Variants in CLASRP observed in about 807,000 individuals in gnomAD.
CLASRP encodes the protein CLK4 associating serine/arginine rich protein, also known as CLK4-associating serine/arginine rich protein.
In CLASRP, 52 loss-of-function variants were observed where a neutral mutation model predicts 99.9. The observed-to-expected ratio is 0.52, with a 90% confidence interval of 0.42 to 0.66. The LOEUF (loss-of-function observed/expected upper bound fraction) is 0.66. Among genes scored for constraint, CLASRP ranks in the 30% least tolerant of loss-of-function variants. CLASRP has a pLI of 0.00. For missense variants in CLASRP, 848 were observed against 999.2 expected (o/e 0.85, Z 2.04); for synonymous variants, 379 against 373.0 (o/e 1.02, Z -0.18).
At chr19:45,064,765 C>T (rs767963783) in intron 13 of CLASRP, 135 bp downstream of exon 13, 22 of 1,413,540 alleles carry the variant, frequency 1.6e-5, no homozygotes, top group Non-Finnish European at 2.0e-5. Flanking sequence ...AGGCACAGGC[C>T]ACTGCTCTTC....
Position 45,067,262 on chromosome 19 carries a change from AT to A in CLASRP, c.1410-74del, listed in dbSNP as rs1411826924. 1 of 1,430,400 alleles carries A rather than the reference AT, an allele frequency of 7.0e-7. No individual in the cohort carries two copies. The highest frequency in any genetic ancestry group is 2.7e-5 in the Admixed American group (1 of 36,834). The allele number at this position is 1,430,400 out of a possible 1,614,324, so 88.6% of individuals were successfully genotyped here. A position where few individuals can be genotyped will look rare whatever the true frequency, so the allele number is the denominator to read the frequency against. ...GGCCTTGCAGGAAGGAGGACTGTGG[AT>A]CCGGACCCAGGGTGGGGTGCGGTTG... On this transcript the variant is annotated intron_variant, in intron 13 of 20. Transcript: ENST00000221455. The surrounding 1 kb of genome is among the most constrained non-coding windows in gnomAD (Gnocchi z 4.9).
At position 45,070,831 on chromosome 19, in the gene CLASRP, C is replaced by T. The variant is rs754396204; in HGVS notation, c.2011C>T (p.His671Tyr). 8 of 1,579,098 alleles carry T rather than the reference C, an allele frequency of 5.1e-6. No individual in the cohort carries two copies. Among genetic ancestry groups the T allele is most frequent in the East Asian group, 2.3e-5 (1 of 43,956 alleles). The change falls in exon 21 of 21, where the codon CAT becomes TAT. Residue 671 changes from histidine (H) to tyrosine (Y), a missense_variant. His to Tyr is a moderately conservative substitution (Grantham distance 83). This residue lies in a region of CLASRP where 116 missense variants were observed against 162.7 expected (regional missense o/e 0.71). Coordinates refer to ENST00000221455, the MANE Select transcript of CLASRP (RefSeq NM_007056.3). ...RRSRSRSRSP[H>Y]YRH ...CTCAAGGTCCCGATCCCGAAGCCCC[C>T]ATTACCGACATTAGGCAGAAGAGTG...
At chr19:45,057,644 A>T in intron 6 of CLASRP, 106 bp from the exon 7 acceptor site, 3 of 1,312,376 alleles carry the variant, frequency 2.3e-6, no homozygotes, top group Admixed American at 3.7e-5. Context: ...GCTGAGGGAG[A>T]GCCTGAGGGG....
chr19:45,056,336 C>G (rs537895047), intron 5 of CLASRP, 114 bp from the exon 6 acceptor site: 7 of 832,534 alleles, frequency 8.4e-6, no homozygotes, highest in East Asian at 7.3e-5. Flanking sequence ...TGACTGCCCC[C>G]CAAGGTGCAC....
intron 7 of CLASRP, 49 bp downstream of exon 7, chr19:45,057,947 T>C: frequency 1.2e-6 from 2 of 1,609,412 alleles, no homozygotes; most frequent in African/African-American, 2.7e-5. Flanking sequence ...GGGCATCGTT[T>C]CTGTGTCTCG....
chr19:45,056,240 T>TAA (rs1431395075), intron 5 of CLASRP, among the ~76,000 whole-genome samples: 1 of 152,208 alleles, frequency 6.6e-6, no homozygotes, highest in Non-Finnish European at 1.5e-5. Context: ...ACAGATGTGT[T>TAA]AAGTCCCTTG....
chr19:45,068,132 G>A, intron 15 of CLASRP, 78 bp downstream of exon 15: 1 of 1,370,154 alleles, frequency 7.3e-7, no homozygotes, highest in Non-Finnish European at 1.0e-6. Context: ...TGGGCCTGCA[G>A]GGGGGCCCGG....
Position 45,067,074 on chromosome 19 carries a change from A to T in CLASRP, c.1410-263A>T, listed in dbSNP as rs1476724288. The stretch of plus-strand genomic sequence containing the variant: ...GAAGTTAGCAAGCGGGTGTCTAGTG[A>T]GGGAGAGGTGACGTGGGCCAGGCAG... On this transcript the variant is annotated intron_variant, in intron 13 of 20. Transcript: ENST00000221455. The surrounding 1 kb of genome is among the most constrained non-coding windows in gnomAD (Gnocchi z 4.9). 6.6e-6 allele frequency among the ~76,000 whole-genome samples: 1 copy of T among 152,154 alleles called. No individual in the cohort carries two copies. Among genetic ancestry groups the T allele is most frequent in the East Asian group, 1.9e-4 (1 of 5,180 alleles).
rs749261419 is a variant in CLASRP, at chr19:45,060,503, G to C, written c.789+36G>C. 5.0e-6 allele frequency: 8 copies of C among 1,613,384 alleles called. No homozygotes were observed. The South Asian group carries it at 8.8e-5, about 18-fold the overall frequency. On this transcript the variant is annotated intron_variant, in intron 9 of 20. Transcript: ENST00000221455. The surrounding 1 kb of genome is among the most constrained non-coding windows in gnomAD (Gnocchi z 4.6). ...GGCTGGAGTGGAAGGGGACAGGGGT[G>C]TGTCACAGGGAGGGCACCCCCTCAC...
intron 2 of CLASRP, among the ~76,000 whole-genome samples, chr19:45,048,095 A>G (rs2122543254): frequency 6.6e-6 from 1 of 151,878 alleles, no homozygotes; most frequent in Admixed American, 6.6e-5. Flanking sequence ...CAAACAAAAA[A>G]TTACTCTTAA....
In CLASRP at chr19:45,053,174, G is replaced by A. The variant is rs201323020; in HGVS notation, c.376G>A (p.Gly126Ser). 2.3e-4 allele frequency: 373 copies of A among 1,613,914 alleles called. No homozygotes were observed. The highest frequency in any genetic ancestry group is 3.0e-4 in the Non-Finnish European group (357 of 1,180,002). Residue 126 changes from glycine to serine, a missense_variant, in exon 5 of 21, where the codon GGC becomes AGC. Gly to Ser is a moderately conservative substitution (Grantham distance 56). Coordinates refer to ENST00000221455, the MANE Select transcript of CLASRP (RefSeq NM_007056.3). ...YRGLVQNDFA[G>S]ISEEQCLYQI... ...AGGCCTGGTGCAGAACGACTTTGCCGGCAGTGAGTGATCTGTGGGGGGACG... is the reference window on the plus strand; with the variant it reads ...AGGCCTGGTGCAGAACGACTTTGCCAGCAGTGAGTGATCTGTGGGGGGACG...
intron 3 of CLASRP, among the ~76,000 whole-genome samples, chr19:45,052,452 C>A (rs532900124): frequency 5.9e-5 from 9 of 152,142 alleles, no homozygotes; most frequent in African/African-American, 1.9e-4. Flanking sequence ...TTGCCAGACC[C>A]GAGCTGGCTC....
Position 45,070,848 on chromosome 19 carries a change from A to G in CLASRP, c.*3A>G, listed in dbSNP as rs1967227634. 1 of 1,489,988 alleles carries G rather than the reference A, an allele frequency of 6.7e-7. No individual in the cohort carries two copies. The highest frequency in any genetic ancestry group is 9.3e-7 in the Non-Finnish European group (1 of 1,077,582). 92.3% of individuals were successfully genotyped at this position (1,489,988 alleles called of 1,614,324 possible). The stretch of plus-strand genomic sequence containing the variant: ...GAAGCCCCCATTACCGACATTAGGC[A>G]GAAGAGTGGGGGGTGGGGAGGACAA... On this transcript the variant is annotated 3_prime_UTR_variant, in exon 21 of 21. Transcript: ENST00000221455.
chr19:45,050,843 A>T (rs970262102), intron 2 of CLASRP, among the ~76,000 whole-genome samples: 1 of 151,620 alleles, frequency 6.6e-6, no homozygotes, highest in Non-Finnish European at 1.5e-5. Flanking sequence ...CAGCCTCCCA[A>T]ATAGCTGGGA....
chr19:45,041,452 T>C (rs932943100), intron 2 of CLASRP, among the ~76,000 whole-genome samples: 2 of 151,688 alleles, frequency 1.3e-5, no homozygotes, highest in Non-Finnish European at 3.0e-5. Context: ...TTACCCCCCC[T>C]CACCTATTTA....
chr19:45,039,584 A>T (rs1157126941), intron 1 of CLASRP: 1 of 150,748 alleles, frequency 6.6e-6, no homozygotes, highest in African/African-American at 2.5e-5. Flanking sequence ...CCTCAGCTTC[A>T]CTCTGGTCTC....
At chr19:45,052,971 C>T in intron 4 of CLASRP, 79 bp downstream of exon 4, 1 of 1,521,060 alleles carries the variant, frequency 6.6e-7, no homozygotes, top group Non-Finnish European at 9.0e-7. Context: ...TACCTGTCAC[C>T]TTCCTAGGAG....
At chr19:45,052,234 G>A (rs1200057264) in intron 3 of CLASRP, 66 bp downstream of exon 3, 4 of 1,377,790 alleles carry the variant, frequency 2.9e-6, no homozygotes, top group Non-Finnish European at 2.1e-6. Context: ...CTGGGGTGGT[G>A]TAGAGTGTGG....
intron 2 of CLASRP, among the ~76,000 whole-genome samples, chr19:45,048,624 T>C (rs1354536464): frequency 2.0e-5 from 3 of 151,754 alleles, no homozygotes; most frequent in African/African-American, 7.3e-5. Flanking sequence ...CTAGTTCTGC[T>C]TATTCCTAAT....
Sources: gnomAD v4.1 joint callset for allele counts (sites outside exome capture counted in the v4.1 genomes callset) on GRCh38, gnomAD v4.1.1 for gene constraint, gnomAD v4.1.1 regional missense constraint, Gnocchi (gnomAD v3.1) non-coding constraint, MANE v1.5 for transcripts, NCBI Gene and HGNC (gene_info 2026-07-23, HGNC 2026-07-21) for gene names.